GDAP2: variants seen among roughly 807,000 people sequenced by gnomAD.
GDAP2 encodes the protein ganglioside-induced differentiation-associated protein 2.
A neutral mutation model predicts 67.0 loss-of-function variants in GDAP2; 51 were observed. The ratio of observed to expected loss-of-function variants is 0.76; its 90% CI spans 0.61 to 0.96. The LOEUF is 0.96. Ranked by LOEUF, GDAP2 falls within the 40% of genes least tolerant of loss-of-function variation. GDAP2 has a pLI of 0.00. For synonymous variants in GDAP2, 203 were observed against 207.3 expected (o/e 0.98, Z 0.18); for missense variants, 547 against 588.3 (o/e 0.93, Z 0.73).
chr1:117,884,089 C>A (rs191490099), intron 10 of GDAP2, among the ~76,000 whole-genome samples: 1 of 152,134 alleles, frequency 6.6e-6, no homozygotes, highest in Non-Finnish European at 1.5e-5. Context: ...TCATGGCCTG[C>A]ACATAACCAA....
At chr1:117,919,465 T>C (rs970597733) in intron 2 of GDAP2, among the ~76,000 whole-genome samples, 2 of 152,122 alleles carry the variant, frequency 1.3e-5, no homozygotes, top group Admixed American at 1.3e-4. Flanking sequence ...ACAAATTTTA[T>C]TGTATTCATT....
intron 1 of GDAP2, among the ~76,000 whole-genome samples, chr1:117,922,776 G>C (rs907955955): frequency 6.6e-6 from 1 of 152,242 alleles, no homozygotes; most frequent in Admixed American, 6.5e-5. Context: ...AATCACTAAT[G>C]AACTTCCATG....
At position 117,870,536 on chromosome 1, in the gene GDAP2, C is replaced by T; in HGVS notation, c.*33G>A. 1 of 1,425,054 alleles carries T rather than the reference C, an allele frequency of 7.0e-7. No homozygotes were observed. 88.3% of individuals were successfully genotyped at this position (1,425,054 alleles called of 1,614,324 possible). On this transcript the variant is annotated 3_prime_UTR_variant, in exon 14 of 14. Coordinates refer to ENST00000369443, the MANE Select transcript of GDAP2 (RefSeq NM_017686.4). ...TAGCTATTCGTGGAGGAAGTGGCATCCTGGGAACCAAGAAGCACTGAAAGA... is the reference window on the plus strand; with the variant it reads ...TAGCTATTCGTGGAGGAAGTGGCATTCTGGGAACCAAGAAGCACTGAAAGA...
intron 1 of GDAP2, among the ~76,000 whole-genome samples, chr1:117,925,928 C>G (rs919088782): frequency 1.3e-5 from 2 of 152,190 alleles, no homozygotes; most frequent in African/African-American, 4.8e-5. Flanking sequence ...CCCACCAAAT[C>G]ACTTTAATTT....
At chr1:117,901,195 G>A (rs550325887) in intron 6 of GDAP2, among the ~76,000 whole-genome samples, 39 of 151,932 alleles carry the variant, frequency 2.6e-4, no homozygotes, top group African/African-American at 8.2e-4. Flanking sequence ...CCTTTTTTAC[G>A]GCTGAATAAT....
chr1:117,898,992 T>C, intron 7 of GDAP2, 65 bp downstream of exon 7: 1 of 1,179,702 alleles, frequency 8.5e-7, no homozygotes, highest in Non-Finnish European at 1.3e-6. Context: ...CTTACTTCTT[T>C]GGTGATTGGT....
intron 6 of GDAP2, 132 bp downstream of exon 6, chr1:117,906,374 C>A: frequency 3.4e-6 from 2 of 584,976 alleles, no homozygotes; most frequent in South Asian, 4.8e-5. Flanking sequence ...GATTGTAAGA[C>A]CCACTGTCAA....
rs1360595860 is a variant in GDAP2 at position 117,864,721 on chromosome 1, A to G, written c.*5848T>C. 6.6e-6 allele frequency: 1 copy of G among 152,178 alleles called. No homozygotes were observed. The highest frequency in any genetic ancestry group is 1.5e-5 in the Non-Finnish European group (1 of 68,020). The allele number at this position is 152,178 out of a possible 1,614,324, so 9.4% of individuals were successfully genotyped here. ...ATAAATATAAATTAAGCAAAAACTG[A>G]GGAGCTAAGAGATTTTTTTCCTTAT... On this transcript the variant is annotated 3_prime_UTR_variant, in exon 14 of 14. Transcript: ENST00000369443.
rs545932173 is a variant in GDAP2, at chr1:117,907,491, C to T, written c.560-909G>A. ...GACCCCAACAGGTCCAAATCCTGACCGCCATCTTTTTCCGAACAAACCTGG... is the reference window on the plus strand; with the variant it reads ...GACCCCAACAGGTCCAAATCCTGACTGCCATCTTTTTCCGAACAAACCTGG... On this transcript the variant is annotated intron_variant, in intron 5 of 13. Transcript: ENST00000369443. Among the ~76,000 whole-genome samples the T allele has an allele frequency of 5.5e-4, 84 of 152,224 alleles. No individual in the cohort carries two copies. In the South Asian group the frequency reaches 0.017, roughly 30 times the overall value.
At position 117,868,553 on chromosome 1, in the gene GDAP2, C is replaced by CGGCCT. The variant is rs1380367498; in HGVS notation, c.*2011_*2015dup. On this transcript the variant is annotated 3_prime_UTR_variant, in exon 14 of 14. Coordinates refer to ENST00000369443, the MANE Select transcript of GDAP2 (RefSeq NM_017686.4). ...CCTTTCAAATTGGCAAAGTAGCTTACGGCCTCTATTATCTCTACAGAAAAT... is the reference window on the plus strand; with the variant it reads ...CCTTTCAAATTGGCAAAGTAGCTTACGGCCTGGCCTCTATTATCTCTACAGAAAAT... The CGGCCT allele has an allele frequency of 6.6e-6, 1 of 152,112 alleles. No individual in the cohort carries two copies. Among genetic ancestry groups the CGGCCT allele is most frequent in the Non-Finnish European group, 1.5e-5 (1 of 68,020 alleles). 9.4% of individuals were successfully genotyped at this position (152,112 alleles called of 1,614,324 possible). A position where few individuals can be genotyped will look rare whatever the true frequency, so the allele number is the denominator to read the frequency against.
chr1:117,928,266 G>T (rs1415654520), intron 1 of GDAP2, among the ~76,000 whole-genome samples: 1 of 152,182 alleles, frequency 6.6e-6, no homozygotes, highest in Non-Finnish European at 1.5e-5. Flanking sequence ...ATCTCTGAGA[G>T]AATTCGCATG....
At chr1:117,916,290 G>A (rs1557809226) in intron 3 of GDAP2, among the ~76,000 whole-genome samples, 1 of 152,160 alleles carries the variant, frequency 6.6e-6, no homozygotes, top group African/African-American at 2.4e-5. Flanking sequence ...ACAACATCAA[G>A]TGCAAAACTG....
At chr1:117,914,272 G>A (rs1330340364) in intron 3 of GDAP2, among the ~76,000 whole-genome samples, 1 of 152,100 alleles carries the variant, frequency 6.6e-6, no homozygotes, top group Non-Finnish European at 1.5e-5. Context: ...AAATCAGAAT[G>A]TCATAAAAAC....
At position 117,867,145 on chromosome 1, in the gene GDAP2, A is replaced by G. The variant is rs2101110682; in HGVS notation, c.*3424T>C. The G allele has an allele frequency of 6.6e-6, 1 of 152,264 alleles. No homozygotes were observed. The highest frequency in any genetic ancestry group is 2.1e-4 in the South Asian group (1 of 4,824). 9.4% of individuals were successfully genotyped at this position (152,264 alleles called of 1,614,324 possible). ...ACTTAATTTTATCACTTCTCCATTA[A>G]CTGTTATAAAGACAAGACTAAACCT... On this transcript the variant is annotated 3_prime_UTR_variant, in exon 14 of 14. Coordinates refer to ENST00000369443, the MANE Select transcript of GDAP2 (RefSeq NM_017686.4).
intron 6 of GDAP2, among the ~76,000 whole-genome samples, chr1:117,901,484 AC>A (rs1454300672): frequency 1.3e-5 from 2 of 152,174 alleles, no homozygotes; most frequent in Non-Finnish European, 2.9e-5. Flanking sequence ...ATTCCAATTA[AC>A]TATCTACGAG....
rs996673800 is a variant in GDAP2 at position 117,865,276 on chromosome 1, T to C, written c.*5293A>G. 2.6e-5 allele frequency: 4 copies of C among 152,190 alleles called. No homozygotes were observed. Among genetic ancestry groups the C allele is most frequent in the African/African-American group, 7.2e-5 (3 of 41,452 alleles). 9.4% of individuals were successfully genotyped at this position (152,190 alleles called of 1,614,324 possible). ...TAATGTCCCATCCTGGGGTTCAATA[T>C]AAACACTATTATTTCACTATTGATT... On this transcript the variant is annotated 3_prime_UTR_variant, in exon 14 of 14. Coordinates refer to ENST00000369443, the MANE Select transcript of GDAP2 (RefSeq NM_017686.4).
intron 5 of GDAP2, among the ~76,000 whole-genome samples, chr1:117,908,495 C>G (rs1649735331): frequency 1.3e-5 from 2 of 152,104 alleles, no homozygotes; most frequent in Admixed American, 1.3e-4. Flanking sequence ...TTCCTCTATT[C>G]TGCTTTAATG....
intron 5 of GDAP2, among the ~76,000 whole-genome samples, chr1:117,906,960 A>C (rs1181021616): frequency 6.6e-6 from 1 of 152,156 alleles, no homozygotes; most frequent in Non-Finnish European, 1.5e-5. Flanking sequence ...TCTTTTATCC[A>C]GTATATTCTT....
At chr1:117,914,977 T>C (rs1302901984) in intron 3 of GDAP2, among the ~76,000 whole-genome samples, 1 of 151,856 alleles carries the variant, frequency 6.6e-6, no homozygotes, top group Non-Finnish European at 1.5e-5. Flanking sequence ...AAAAAAAAGT[T>C]CCAGAACAGT....
Sources: allele counts gnomAD v4.1 joint callset (sites outside exome capture counted in the v4.1 genomes callset), GRCh38; gene constraint gnomAD v4.1.1; transcripts MANE v1.5; gene names NCBI Gene and HGNC (gene_info 2026-07-23, HGNC 2026-07-21).